FAS: variants seen among roughly 807,000 people sequenced by gnomAD.
FAS encodes tumor necrosis factor receptor superfamily member 6.
FAS carries 5 observed loss-of-function variants against 33.2 expected under a neutral mutation model. The ratio of observed to expected loss-of-function variants is 0.15; its 90% CI spans 0.08 to 0.32. FAS has a LOEUF of 0.32. FAS is among the 10% of genes least tolerant of loss of function. FAS has a pLI of 1.00. For missense variants in FAS, 339 were observed against 386.0 expected (o/e 0.88, Z 1.02); for synonymous variants, 131 against 130.7 (o/e 1.00, Z -0.01).
At position 89,015,852 on chromosome 10, in the gene FAS, G is replaced by A. The variant is rs138885319; in HGVS notation, c.*1402G>A. The A allele has an allele frequency of 3.6e-4, 150 of 413,460 alleles. 1 individual carries two copies. In the East Asian group the frequency reaches 5.7e-3, roughly 16 times the overall value. The allele number at this position is 413,460 out of a possible 1,614,324, so 25.6% of individuals were successfully genotyped here. A position where few individuals can be genotyped will look rare whatever the true frequency, so the allele number is the denominator to read the frequency against. On this transcript the variant is annotated 3_prime_UTR_variant, in exon 9 of 9. Transcript: ENST00000652046. ...TTTGTCTTCCTTTTCTCTAACTGAT[G>A]CTAAATATAACTTGTCTTTAATGCT...
chr10:88,978,525 A>T (rs796308616), intron 2 of FAS, among the ~76,000 whole-genome samples: 5 of 152,272 alleles, frequency 3.3e-5, no homozygotes, highest in African/African-American at 1.2e-4. Context: ...GCCTTTCATC[A>T]CCCCTGCTCT....
In FAS at chr10:89,008,162, G is replaced by T. The variant is rs115511836; in HGVS notation, c.334+325G>T. 5.8e-3 allele frequency among the ~76,000 whole-genome samples: 880 copies of T among 152,156 alleles called. 12 individuals are homozygous for T. The highest frequency in any genetic ancestry group is 0.02 in the African/African-American group (821 of 41,500). On this transcript the variant is annotated intron_variant, in intron 3 of 8. Transcript: ENST00000652046. ...CGCTTATATAATGGTGCTCGTTCAT[G>T]GCCAGAAAAATTCAGAAGCCTGCAG...
intron 1 of FAS, among the ~76,000 whole-genome samples, chr10:88,966,028 T>C (rs1846312785): frequency 6.6e-6 from 1 of 152,112 alleles, no homozygotes; most frequent in Non-Finnish European, 1.5e-5. Context: ...TAAAATGTAT[T>C]AGGTTGGTGC....
chr10:88,997,881 A>C (rs1271753977), intron 1 of FAS, among the ~76,000 whole-genome samples: 9 of 152,196 alleles, frequency 5.9e-5, no homozygotes. Context: ...AGGACCAATA[A>C]GTCTGGAAAG....
chr10:88,971,912 CT>C (rs547839484), intron 1 of FAS, among the ~76,000 whole-genome samples: 942 of 139,630 alleles, frequency 6.7e-3, no homozygotes, highest in Middle Eastern at 7.4e-3. Context: ...AAGGGGACTA[CT>C]TTTTTTTTTT....
At position 89,010,895 on chromosome 10, in the gene FAS, T is replaced by C. The variant is rs1263449848; in HGVS notation, c.568+80T>C. ...CAAAGATTTGCCTCATTCTTACCTATAAAAAGCTACCACTTTGGTAGATTT... is the reference window on the plus strand; with the variant it reads ...CAAAGATTTGCCTCATTCTTACCTACAAAAAGCTACCACTTTGGTAGATTT... On this transcript the variant is annotated intron_variant, in intron 6 of 8. Transcript: ENST00000652046. 15 of 1,508,864 alleles carry C rather than the reference T, an allele frequency of 9.9e-6. No homozygotes were observed. The Admixed American group carries it at 2.0e-4, about 20-fold the overall frequency. 93.5% of individuals were successfully genotyped at this position (1,508,864 alleles called of 1,614,324 possible).
At chr10:88,984,378 C>A (rs1302023717), upstream of FAS, among the ~76,000 whole-genome samples, 1 of 152,032 alleles carries the variant, frequency 6.6e-6, no homozygotes, top group East Asian at 1.9e-4. Context: ...CTGTATAGGT[C>A]AGAATCTATT....
Position 88,993,149 on chromosome 10 carries a change from T to C in FAS, c.30+2243T>C, listed in dbSNP as rs1038112718. ...TTCTCTTTCCTTCTCTCAACCTTCC[T>C]GGTGTTAGTTTTCTCTTTCCTATTT... is the stretch of plus-strand genomic sequence containing the variant. On this transcript the variant is annotated intron_variant, in intron 1 of 8. Coordinates refer to ENST00000652046, the MANE Select transcript of FAS (RefSeq NM_000043.6). Among the ~76,000 whole-genome samples, 10 of 152,178 alleles carry C rather than the reference T, an allele frequency of 6.6e-5. No homozygotes were observed. The South Asian group carries it at 1.7e-3, about 25-fold the overall frequency.
chr10:88,982,978 T>C (rs1034895669), upstream of FAS, among the ~76,000 whole-genome samples: 18 of 152,192 alleles, frequency 1.2e-4, no homozygotes, highest in Non-Finnish European at 2.1e-4. Flanking sequence ...CATGTGTCCT[T>C]TCCAGAACGT....
Position 89,014,899 on chromosome 10 carries a change from G to A in FAS, c.*449G>A, listed in dbSNP as rs1428699740. On this transcript the variant is annotated 3_prime_UTR_variant, in exon 9 of 9. Transcript: ENST00000652046. ...GCCACTTTGCCTCTAAATTACCTCT[G>A]ATAATTCTAGAGATTTTACCATATT... The A allele has an allele frequency of 3.7e-6, 2 of 535,436 alleles. No individual in the cohort carries two copies. The highest frequency in any genetic ancestry group is 3.7e-5 in the African/African-American group (2 of 53,906). The allele number at this position is 535,436 out of a possible 1,614,324, so 33.2% of individuals were successfully genotyped here.
chr10:88,996,300 T>C (rs1847588481), intron 1 of FAS, among the ~76,000 whole-genome samples: 1 of 152,024 alleles, frequency 6.6e-6, no homozygotes, highest in Admixed American at 6.6e-5. Flanking sequence ...TGAATGTCTG[T>C]AAGGTTTCAG....
At chr10:89,002,698 A>T in intron 1 of FAS, 1 of 351,726 alleles carries the variant, frequency 2.8e-6, no homozygotes, top group Non-Finnish European at 5.5e-6. Context: ...GGTTATTTCC[A>T]CTTATAGATA....
At chr10:88,974,965 AAAGGCATATTT>A (rs1330797846) in intron 2 of FAS, 34 of 152,304 alleles carry the variant, frequency 2.2e-4, no homozygotes, top group African/African-American at 8.2e-4. Context: ...TCACCTCTCA[AAAGGCATATTT>A]AAAGTGAGGA....
At chr10:88,969,378 T>G (rs1846382233) in intron 1 of FAS, among the ~76,000 whole-genome samples, 2 of 152,246 alleles carry the variant, frequency 1.3e-5, no homozygotes, top group African/African-American at 4.8e-5. Context: ...CCCAAACTCA[T>G]GCTTGTAAGG....
intron 6 of FAS, 42 bp from the exon 7 acceptor site, chr10:89,011,957 A>G (rs1212558921): frequency 6.5e-7 from 1 of 1,527,314 alleles, no homozygotes; most frequent in Non-Finnish European, 9.1e-7. Flanking sequence ...TGCATTCTAC[A>G]AGGCTGAGAC....
chr10:88,989,772 G>C (rs9658674), upstream of FAS, among the ~76,000 whole-genome samples: 2,151 of 152,304 alleles, frequency 0.014, 47 homozygotes, highest in African/African-American at 0.049. Context: ...GGAAGGGAGA[G>C]AGGTTGCAGA....
chr10:88,985,084 C>G (rs1386689061), upstream of FAS, among the ~76,000 whole-genome samples: 1 of 152,080 alleles, frequency 6.6e-6, no homozygotes, highest in Admixed American at 6.5e-5. Context: ...CAAATTGCTA[C>G]AACAAAATAA....
At chr10:88,976,928 C>T (rs1042414444) in intron 2 of FAS, among the ~76,000 whole-genome samples, 3 of 152,170 alleles carry the variant, frequency 2.0e-5, no homozygotes, top group Admixed American at 6.5e-5. Flanking sequence ...TGCTTGAGAT[C>T]CTTATATCTG....
intron 2 of FAS, among the ~76,000 whole-genome samples, chr10:89,005,615 T>C (rs1313305660): frequency 6.6e-6 from 1 of 152,042 alleles, no homozygotes; most frequent in Non-Finnish European, 1.5e-5. Context: ...CTCCAGATTG[T>C]TGATATATAG....
Sources: allele counts gnomAD v4.1 joint callset (sites outside exome capture counted in the v4.1 genomes callset), GRCh38; gene constraint gnomAD v4.1.1; transcripts MANE v1.5; gene names NCBI Gene and HGNC (gene_info 2026-07-23, HGNC 2026-07-21).